The following NBEA variants were observed in gnomAD, a reference collection of about 807,000 sequenced individuals.
The protein encoded by NBEA is neurobeachin, also known as lysosomal-trafficking regulator 2.
A neutral mutation model predicts 343.4 loss-of-function variants in NBEA; 44 were observed. That is an observed-to-expected ratio of 0.13 (90% CI 0.10 to 0.16). NBEA has a LOEUF of 0.16. NBEA is among the 10% of genes least tolerant of loss of function. The pLI is 1.00. For missense variants in NBEA, 2,555 were observed against 3,631.3 expected, an observed-to-expected ratio of 0.70 and a Z score of 7.62; for synonymous variants, 1,175 against 1,238.7, an observed-to-expected ratio of 0.95 and a Z score of 1.08.
At chr13:35,389,547 T>C (rs567967257) in intron 38 of NBEA, among the ~76,000 whole-genome samples, 1 of 152,276 alleles carries the variant, frequency 6.6e-6, no homozygotes, top group African/African-American at 2.4e-5. Context: ...ATTGATCTAG[T>C]ATTTTCTTAA....
chr13:35,384,205 T>C lies in NBEA; in HGVS notation c.6179+31882T>C, dbSNP rs1433274646. Among the ~76,000 whole-genome samples, 15 of 152,342 alleles carry C rather than the reference T, an allele frequency of 9.8e-5. 1 individual carries two copies. The South Asian group carries it at 2.9e-3, about 29-fold the overall frequency. On this transcript the variant is annotated intron_variant, in intron 38 of 58. Coordinates refer to ENST00000379939, the MANE Select transcript of NBEA (RefSeq NM_001385012.1). ...GAATATTAATTTTCAGATGCTAATA[T>C]TATATCAGTGTTCTGTTACTGAATC...
chr13:35,190,606 T>G (rs1055767486), intron 30 of NBEA, among the ~76,000 whole-genome samples: 3 of 152,160 alleles, frequency 2.0e-5, no homozygotes, highest in African/African-American at 7.2e-5. Context: ...AAAACAGATT[T>G]TACAGAATTA....
At chr13:35,138,752 G>A (rs1338822255) in intron 17 of NBEA, among the ~76,000 whole-genome samples, 1 of 151,792 alleles carries the variant, frequency 6.6e-6, no homozygotes, top group Non-Finnish European at 1.5e-5. Context: ...GAGCCACTGC[G>A]CTCGGCCAAT....
intron 1 of NBEA, among the ~76,000 whole-genome samples, chr13:34,964,881 G>A (rs973488265): frequency 2.6e-5 from 4 of 152,010 alleles, no homozygotes; most frequent in Non-Finnish European, 5.9e-5. Flanking sequence ...GTGGGGAAAG[G>A]ATTATTGTGG....
At chr13:35,327,777 T>G (rs1478294026) in intron 36 of NBEA, among the ~76,000 whole-genome samples, 1 of 151,780 alleles carries the variant, frequency 6.6e-6, no homozygotes, top group Non-Finnish European at 1.5e-5. Context: ...AAAATAAAAA[T>G]TGAAATTATT....
intron 36 of NBEA, among the ~76,000 whole-genome samples, chr13:35,320,731 C>T (rs868284386): frequency 1.3e-5 from 2 of 152,280 alleles, no homozygotes; most frequent in Middle Eastern, 3.4e-3. Context: ...TTCAGGTACA[C>T]CAGTCAAACG....
chr13:34,992,885 G>T (rs1243662812), intron 1 of NBEA, among the ~76,000 whole-genome samples: 2 of 145,416 alleles, frequency 1.4e-5, no homozygotes, highest in Admixed American at 7.0e-5. Flanking sequence ...GGGTTTCACC[G>T]TATTAGCCAG....
chr13:35,157,786 GTACAAGTATA>G (rs1440223915), intron 21 of NBEA, among the ~76,000 whole-genome samples: 1 of 151,984 alleles, frequency 6.6e-6, no homozygotes, highest in Non-Finnish European at 1.5e-5. Context: ...GAATTAAACT[GTACAAGTATA>G]TACACATTAG....
At chr13:34,953,674 G>A (rs1468969965) in intron 1 of NBEA, among the ~76,000 whole-genome samples, 1 of 152,114 alleles carries the variant, frequency 6.6e-6, no homozygotes, top group Non-Finnish European at 1.5e-5. Context: ...AATTCAGTTT[G>A]GATAGAAAAT....
chr13:35,508,164 G>A (rs1313461934), intron 41 of NBEA, among the ~76,000 whole-genome samples: 3 of 152,114 alleles, frequency 2.0e-5, no homozygotes, highest in Non-Finnish European at 4.4e-5. Context: ...ATCCAGACCT[G>A]TTTCACTTTA....
At chr13:35,557,919 G>C (rs9544632) in intron 44 of NBEA, among the ~76,000 whole-genome samples, 141,469 of 152,190 alleles carry the variant, frequency 0.93, 65,960 homozygotes, top group East Asian at 1. Context: ...CATACCTTCT[G>C]TGGAGTAGAG....
intron 36 of NBEA, among the ~76,000 whole-genome samples, chr13:35,333,652 T>G (rs551233779): frequency 6.6e-6 from 1 of 152,128 alleles, no homozygotes; most frequent in African/African-American, 2.4e-5. Flanking sequence ...TCTAATTAAT[T>G]TTTTTGTACC....
At chr13:35,432,728 C>A (rs1380570775) in intron 39 of NBEA, among the ~76,000 whole-genome samples, 1 of 151,228 alleles carries the variant, frequency 6.6e-6, no homozygotes, top group Non-Finnish European at 1.5e-5. Flanking sequence ...ATGACCAAGA[C>A]CCATAGTAAA....
At chr13:35,133,835 A>T (rs2067564326) in intron 17 of NBEA, among the ~76,000 whole-genome samples, 1 of 152,100 alleles carries the variant, frequency 6.6e-6, no homozygotes, top group African/African-American at 2.4e-5. Flanking sequence ...ATTATTGGTT[A>T]TCCCGAAGTA....
At chr13:35,156,426 A>T (rs1056910806) in intron 20 of NBEA, among the ~76,000 whole-genome samples, 1 of 152,124 alleles carries the variant, frequency 6.6e-6, no homozygotes, top group Non-Finnish European at 1.5e-5. Flanking sequence ...TTAATTGTAT[A>T]TATGAATATA....
In NBEA at chr13:35,594,510, ATATT is replaced by A. The variant is rs1336038091; in HGVS notation, c.7296+1068_7296+1071del. Among the ~76,000 whole-genome samples the A allele has an allele frequency of 1.8e-4, 28 of 152,248 alleles. No homozygotes were observed. The South Asian group carries it at 4.6e-3, about 25-fold the overall frequency. On this transcript the variant is annotated intron_variant, in intron 47 of 58. Coordinates refer to ENST00000379939, the MANE Select transcript of NBEA (RefSeq NM_001385012.1). ...TTGTTGTCAAACTTTACATAAATGA[ATATT>A]TATTCATACAACATATTTACATTTG... is the stretch of plus-strand genomic sequence containing the variant.
rs527762647 is a variant in NBEA, at chr13:35,487,808, G to A, written c.6585+15272G>A. 1.8e-4 allele frequency among the ~76,000 whole-genome samples: 27 copies of A among 151,872 alleles called. No homozygotes were observed. In the East Asian group the frequency reaches 3.3e-3, roughly 19 times the overall value. On this transcript the variant is annotated intron_variant, in intron 41 of 58. Coordinates refer to ENST00000379939, the MANE Select transcript of NBEA (RefSeq NM_001385012.1). ...CAGATACCAAGTTGAACATACTCCA[G>A]TCTTTCAGCTATTACACCTTTGGCA... is the stretch of plus-strand genomic sequence containing the variant.
intron 5 of NBEA, among the ~76,000 whole-genome samples, chr13:35,049,167 A>G (rs2062974667): frequency 6.6e-6 from 1 of 151,924 alleles, no homozygotes; most frequent in South Asian, 2.1e-4. Context: ...GATCAACCTA[A>G]CAATGTGTTG....
chr13:35,291,948 A>AT (rs1413685653), intron 35 of NBEA, among the ~76,000 whole-genome samples: 1 of 151,972 alleles, frequency 6.6e-6, no homozygotes, highest in East Asian at 1.9e-4. Flanking sequence ...TTTAAGTTGA[A>AT]TTTTTAAAAT....
Sources: gnomAD v4.1 joint callset for allele counts (sites outside exome capture counted in the v4.1 genomes callset) on GRCh38, gnomAD v4.1.1 for gene constraint, MANE v1.5 for transcripts, NCBI Gene and HGNC (gene_info 2026-07-23, HGNC 2026-07-21) for gene names.